Variants in DLGAP2 observed in about 807,000 individuals in gnomAD.
DLGAP2 encodes DLG associated protein 2, also known as disks large-associated protein 2.
In DLGAP2, 26 loss-of-function variants were observed where a neutral mutation model predicts 100.3. The observed-to-expected ratio is 0.26, with a 90% CI of 0.19 to 0.36. DLGAP2 has a LOEUF of 0.36. Ranked by LOEUF, DLGAP2 falls within the 10% of genes least tolerant of loss-of-function variation. The pLI is 1.00. For missense variants in DLGAP2, 1,858 were observed against 1,453.2 expected, an observed-to-expected ratio of 1.28 and a Z score of -4.53; for synonymous variants, 886 against 630.1, an observed-to-expected ratio of 1.41 and a Z score of -6.08.
intron 3 of DLGAP2, among the ~76,000 whole-genome samples, chr8:1,274,244 G>C (rs188065361): frequency 6.6e-6 from 1 of 151,782 alleles, no homozygotes; most frequent in Admixed American, 6.6e-5. Flanking sequence ...ATTTAAAATT[G>C]TGAACTCTTC....
chr8:771,688 GGGGC>G (rs1821365217), intron 1 of DLGAP2, among the ~76,000 whole-genome samples: 1 of 152,232 alleles, frequency 6.6e-6, no homozygotes, highest in South Asian at 2.1e-4. Context: ...CGTGGCCTCT[GGGGC>G]TCTGCCCCAC....
chr8:1,584,150 T>A (rs58631860), intron 6 of DLGAP2, among the ~76,000 whole-genome samples: 1 of 152,096 alleles, frequency 6.6e-6, no homozygotes, highest in African/African-American at 2.4e-5. Context: ...TATGTGCTCC[T>A]CACACACTGG....
chr8:1,307,662 C>A (rs935094692), intron 3 of DLGAP2, among the ~76,000 whole-genome samples: 9 of 152,048 alleles, frequency 5.9e-5, no homozygotes, highest in African/African-American at 2.2e-4. Flanking sequence ...GGGGCCTAGA[C>A]GGGTGAAAGA....
At chr8:1,405,338 A>C (rs1439329862) in intron 3 of DLGAP2, among the ~76,000 whole-genome samples, 597 of 5,458 alleles carry the variant, frequency 0.11, 5 homozygotes, top group Non-Finnish European at 0.13. Flanking sequence ...GCGCTCCCTC[A>C]TCGTCCTCCG....
At chr8:1,513,743 T>C (rs757880) in intron 4 of DLGAP2, among the ~76,000 whole-genome samples, 97,265 of 152,102 alleles carry the variant, frequency 0.64, 31,546 homozygotes, top group South Asian at 0.8. Flanking sequence ...ATTATAGATG[T>C]GTAAGTTACA....
intron 2 of DLGAP2, among the ~76,000 whole-genome samples, chr8:1,243,536 C>G (rs1798842574): frequency 6.6e-6 from 1 of 152,124 alleles, no homozygotes; most frequent in African/African-American, 2.4e-5. Flanking sequence ...ATTCTCGTTT[C>G]CTCTTATTTT....
intron 1 of DLGAP2, among the ~76,000 whole-genome samples, chr8:882,023 G>C (rs1488844991): frequency 6.6e-6 from 1 of 152,118 alleles, no homozygotes; most frequent in East Asian, 1.9e-4. Flanking sequence ...GTGCTCACCT[G>C]TGTCCTGTTC....
chr8:891,982 G>T (rs150463258), intron 1 of DLGAP2, among the ~76,000 whole-genome samples: 2 of 152,384 alleles, frequency 1.3e-5, no homozygotes, highest in African/African-American at 4.8e-5. Context: ...CTGCACGTAA[G>T]TGTGCATGAG....
At chr8:1,389,363 G>A (rs1796294658) in intron 3 of DLGAP2, among the ~76,000 whole-genome samples, 1 of 152,008 alleles carries the variant, frequency 6.6e-6, no homozygotes, top group Non-Finnish European at 1.5e-5. Context: ...GCATCCCGGG[G>A]AAGCCAGAGG....
chr8:1,000,887 C>T (rs757292893), intron 2 of DLGAP2, among the ~76,000 whole-genome samples: 8 of 152,042 alleles, frequency 5.3e-5, no homozygotes, highest in East Asian at 1.9e-4. Flanking sequence ...CCTTGCTCAT[C>T]GGGTGCTGAT....
chr8:1,230,458 G>T (rs1338835205), intron 2 of DLGAP2, among the ~76,000 whole-genome samples: 1 of 152,142 alleles, frequency 6.6e-6, no homozygotes, highest in Non-Finnish European at 1.5e-5. Flanking sequence ...CAGATTCAAT[G>T]CTATTCCTAT....
chr8:1,312,999 C>A (rs776619630), intron 3 of DLGAP2, among the ~76,000 whole-genome samples: 1 of 152,196 alleles, frequency 6.6e-6, no homozygotes, highest in Non-Finnish European at 1.5e-5. Flanking sequence ...ATGCAGAACC[C>A]CAGATGTCCT....
intron 2 of DLGAP2, among the ~76,000 whole-genome samples, chr8:1,243,812 G>A (rs541584021): frequency 1.6e-4 from 24 of 152,124 alleles, no homozygotes; most frequent in Non-Finnish European, 2.9e-4. Context: ...ACCTTCCTCA[G>A]TCCACATTTA....
chr8:1,224,374 G>C (rs1384816332), intron 2 of DLGAP2, among the ~76,000 whole-genome samples: 1 of 152,138 alleles, frequency 6.6e-6, no homozygotes, highest in African/African-American at 2.4e-5. Flanking sequence ...CAAGAACAGA[G>C]CCTGCTTGGC....
chr8:1,548,182 G>A (rs1376672146), intron 4 of DLGAP2, among the ~76,000 whole-genome samples: 1 of 152,054 alleles, frequency 6.6e-6, no homozygotes, highest in African/African-American at 2.4e-5. Context: ...CTGCCTGGCC[G>A]GGTGTCCTGG....
At chr8:1,308,854 A>C (rs896698311) in intron 3 of DLGAP2, among the ~76,000 whole-genome samples, 1 of 152,222 alleles carries the variant, frequency 6.6e-6, no homozygotes, top group Non-Finnish European at 1.5e-5. Flanking sequence ...ATTTTCTTAA[A>C]TATGCCCCAA....
intron 1 of DLGAP2, among the ~76,000 whole-genome samples, chr8:794,223 G>C (rs1462048218): frequency 6.6e-6 from 1 of 151,904 alleles, no homozygotes; most frequent in Non-Finnish European, 1.5e-5. Flanking sequence ...TGCAGAATGG[G>C]GTCCCTGGTG....
intron 1 of DLGAP2, among the ~76,000 whole-genome samples, chr8:788,043 G>T (rs1313151277): frequency 6.6e-6 from 1 of 152,204 alleles, no homozygotes; most frequent in Non-Finnish European, 1.5e-5. Flanking sequence ...GTCTGCCCTT[G>T]CAAAGGCACA....
At chr8:921,318 T>C (rs963228224) in intron 2 of DLGAP2, among the ~76,000 whole-genome samples, 1 of 152,148 alleles carries the variant, frequency 6.6e-6, no homozygotes, top group Non-Finnish European at 1.5e-5. Flanking sequence ...CAGTGTTGAG[T>C]GTGGATGCGT....
Sources: gnomAD v4.1 joint callset for allele counts (sites outside exome capture counted in the v4.1 genomes callset) on GRCh38, gnomAD v4.1.1 for gene constraint, MANE v1.5 for transcripts, NCBI Gene and HGNC (gene_info 2026-07-23, HGNC 2026-07-21) for gene names.